KSR2: variants seen among roughly 807,000 people sequenced by gnomAD.
KSR2 encodes the protein kinase suppressor of ras 2.
KSR2 carries 25 observed loss-of-function variants against 107.8 expected under a neutral mutation model. The observed-to-expected ratio is 0.23, with a 90% CI of 0.17 to 0.32. KSR2 has a LOEUF of 0.32. Ranked by LOEUF, KSR2 falls within the 10% of genes least tolerant of loss-of-function variation. KSR2 has a pLI of 1.00. For missense variants in KSR2, 887 were observed against 1,268.9 expected, an observed-to-expected ratio of 0.70 and a Z score of 4.57; for synonymous variants, 480 against 507.0, an observed-to-expected ratio of 0.95 and a Z score of 0.71.
chr12:117,581,956 T>C (rs1208310628), intron 6 of KSR2, among the ~76,000 whole-genome samples: 1 of 152,154 alleles, frequency 6.6e-6, no homozygotes, highest in East Asian at 1.9e-4. Flanking sequence ...CAGAATTACC[T>C]AAAGAAAAAA....
chr12:117,873,984 T>C (rs1326528963), intron 1 of KSR2, among the ~76,000 whole-genome samples: 1 of 152,230 alleles, frequency 6.6e-6, no homozygotes, highest in Non-Finnish European at 1.5e-5. Context: ...GCACTGGATG[T>C]TGTTTGCGTT....
At chr12:117,786,019 A>T (rs546413079) in intron 3 of KSR2, among the ~76,000 whole-genome samples, 1 of 152,222 alleles carries the variant, frequency 6.6e-6, no homozygotes, top group Non-Finnish European at 1.5e-5. Context: ...GCCTAGGCAC[A>T]TCATAATCAA....
chr12:117,692,951 T>A (rs958980976), intron 4 of KSR2, among the ~76,000 whole-genome samples: 2 of 152,196 alleles, frequency 1.3e-5, no homozygotes, highest in Non-Finnish European at 2.9e-5. Flanking sequence ...TTTGGGATGA[T>A]GAAAATATTC....
chr12:117,666,535 T>C (rs1313772700), intron 5 of KSR2, among the ~76,000 whole-genome samples: 1 of 152,210 alleles, frequency 6.6e-6, no homozygotes, highest in Non-Finnish European at 1.5e-5. Flanking sequence ...GGGCCTCAGT[T>C]TCCCCTTCTG....
intron 5 of KSR2, among the ~76,000 whole-genome samples, chr12:117,625,314 A>T (rs1174635338): frequency 1.3e-5 from 2 of 152,144 alleles, no homozygotes; most frequent in Non-Finnish European, 2.9e-5. Context: ...GTTTTTGCCC[A>T]CTCAGTATGA....
At chr12:117,504,666 A>T (rs1311660452) in intron 14 of KSR2, among the ~76,000 whole-genome samples, 1 of 152,106 alleles carries the variant, frequency 6.6e-6, no homozygotes, top group Non-Finnish European at 1.5e-5. Context: ...GGAAGGGGTG[A>T]CTGGGACTGG....
At chr12:117,515,606 T>C (rs960666510) in intron 14 of KSR2, among the ~76,000 whole-genome samples, 5 of 152,088 alleles carry the variant, frequency 3.3e-5, no homozygotes, top group Non-Finnish European at 7.4e-5. Flanking sequence ...ATAATAATTA[T>C]CTTATGATGA....
intron 1 of KSR2, among the ~76,000 whole-genome samples, chr12:117,888,072 C>A (rs377580029): frequency 1.3e-5 from 2 of 152,168 alleles, no homozygotes; most frequent in African/African-American, 4.8e-5. Flanking sequence ...CTTAATGCTT[C>A]GTAACAATAT....
rs776852431 is a variant in KSR2, at chr12:117,469,667, A to G, written c.2841T>C (p.Ser947=). ...RLSHPGHFWK[S]AEL is the part of the protein sequence containing the mutation. ...CATTAAGGGAGAAAACCTACTCTGC[A>G]GACTTCCAGAAATGTCCAGGGTGAG... The change falls in exon 19 of 20, where the codon TCT becomes TCC. Residue 947 remains serine, a synonymous_variant. Coordinates refer to ENST00000339824, the MANE Select transcript of KSR2 (RefSeq NM_173598.6). 6 of 1,612,560 alleles carry G rather than the reference A, an allele frequency of 3.7e-6. No individual in the cohort carries two copies. Among genetic ancestry groups the G allele is most frequent in the East Asian group, 4.5e-5 (2 of 44,850 alleles).
rs1160816990 is a variant in KSR2, at chr12:117,592,184, A to T, written c.1172-9825T>A. 4.0e-5 allele frequency among the ~76,000 whole-genome samples: 6 copies of T among 148,774 alleles called. No homozygotes were observed. In the Admixed American group the frequency reaches 4.0e-4, roughly 10 times the overall value. On this transcript the variant is annotated intron_variant, in intron 5 of 19. Transcript: ENST00000339824. Reference sequence around the variant, plus strand: ...GCTGGAGCGCAATGGAGCAATCTCCACTCACTGCAACCTCCGCCTCCCAGG... The same window carrying T: ...GCTGGAGCGCAATGGAGCAATCTCCTCTCACTGCAACCTCCGCCTCCCAGG...
chr12:117,678,395 A>G (rs1364080549), intron 4 of KSR2, among the ~76,000 whole-genome samples: 1 of 151,464 alleles, frequency 6.6e-6, no homozygotes, highest in African/African-American at 2.4e-5. Context: ...GATCGCAGAC[A>G]TCTTCATGTA....
chr12:117,808,297 A>G (rs983322781), intron 3 of KSR2, among the ~76,000 whole-genome samples: 1 of 152,162 alleles, frequency 6.6e-6, no homozygotes, highest in Admixed American at 6.5e-5. Flanking sequence ...AAAGCATTCC[A>G]GGTGACTCTG....
Position 117,968,502 on chromosome 12 carries a change from G to C in KSR2, c.-247C>G. 2 of 1,265,836 alleles carry C rather than the reference G, an allele frequency of 1.6e-6. No homozygotes were observed. Among genetic ancestry groups the C allele is most frequent in the Non-Finnish European group, 2.0e-6 (2 of 1,011,060 alleles). The allele number at this position is 1,265,836 out of a possible 1,614,324, so 78.4% of individuals were successfully genotyped here. A position where few individuals can be genotyped will look rare whatever the true frequency, so the allele number is the denominator to read the frequency against. On this transcript the variant is annotated 5_prime_UTR_variant, in exon 1 of 20. Transcript: ENST00000339824. ...CCATTAGAATGTCTCCTCTCTCTCT[G>C]AGTCTCTGGTCCCTGAAAAGGAGAG...
chr12:117,798,017 G>C (rs145931810), intron 3 of KSR2, among the ~76,000 whole-genome samples: 18 of 152,316 alleles, frequency 1.2e-4, no homozygotes, highest in African/African-American at 4.1e-4. Context: ...ACCGGAAAGT[G>C]TGAAGTGCTG....
At position 117,907,011 on chromosome 12, in the gene KSR2, C is replaced by A. The variant is rs1894875180; in HGVS notation, c.181-46580G>T. Among the ~76,000 whole-genome samples, 1 of 152,112 alleles carries A rather than the reference C, an allele frequency of 6.6e-6. No homozygotes were observed. On this transcript the variant is annotated intron_variant, in intron 1 of 19. Transcript: ENST00000339824. This position sits in a 1 kb window ranked among gnomAD's most constrained non-coding sequence, Gnocchi z 4.3. Reference sequence around the variant, plus strand: ...CTCCAGCCTGGGTGACAGAGCGAGACCCTGTCCAAAAAGATCCAAAACTCT... The same window carrying A: ...CTCCAGCCTGGGTGACAGAGCGAGAACCTGTCCAAAAAGATCCAAAACTCT...
intron 14 of KSR2, among the ~76,000 whole-genome samples, chr12:117,523,586 C>T (rs1459600322): frequency 6.6e-6 from 1 of 152,204 alleles, no homozygotes; most frequent in Non-Finnish European, 1.5e-5. Flanking sequence ...TCTCTATGAA[C>T]TATCCCTTCT....
chr12:117,514,182 C>T (rs1874217065), intron 14 of KSR2, among the ~76,000 whole-genome samples: 2 of 152,200 alleles, frequency 1.3e-5, no homozygotes, highest in East Asian at 1.9e-4. Context: ...GTTGAAAATG[C>T]CTTCATTTCC....
chr12:117,835,407 T>G lies in KSR2; in HGVS notation c.472+20021A>C, dbSNP rs546812300. On this transcript the variant is annotated intron_variant, in intron 3 of 19. Coordinates refer to ENST00000339824, the MANE Select transcript of KSR2 (RefSeq NM_173598.6). The stretch of plus-strand genomic sequence containing the variant: ...GGACTAAAGACCCCTGGGAAAACCA[T>G]GCTCTGGGCATGATAAGCCAAACCC... Among the ~76,000 whole-genome samples the G allele has an allele frequency of 2.1e-4, 32 of 152,284 alleles. No individual in the cohort carries two copies. In the South Asian group the frequency reaches 6.0e-3, roughly 29 times the overall value.
chr12:117,628,740 G>C (rs1882659482), intron 5 of KSR2, among the ~76,000 whole-genome samples: 2 of 152,262 alleles, frequency 1.3e-5, no homozygotes, highest in Non-Finnish European at 2.9e-5. Context: ...CTTCAGAGCT[G>C]TCAGACAGGG....
Sources: gnomAD v4.1 joint callset for allele counts (sites outside exome capture counted in the v4.1 genomes callset) on GRCh38, gnomAD v4.1.1 for gene constraint, Gnocchi (gnomAD v3.1) non-coding constraint, MANE v1.5 for transcripts, NCBI Gene and HGNC (gene_info 2026-07-23, HGNC 2026-07-21) for gene names.